CPA6: variants seen among roughly 807,000 people sequenced by gnomAD.
CPA6 encodes the protein carboxypeptidase B.
In CPA6, 58 loss-of-function variants were observed where a neutral mutation model predicts 63.3. The observed-to-expected ratio is 0.92, with a 90% CI of 0.74 to 1.14. The LOEUF (loss-of-function observed/expected upper bound fraction) is 1.14. CPA6 is among the 50% of genes most tolerant of loss of function. The pLI is 0.00. For missense variants in CPA6, 565 were observed against 526.6 expected, an observed-to-expected ratio of 1.07 and a Z score of -0.71; for synonymous variants, 185 against 179.0, an observed-to-expected ratio of 1.03 and a Z score of -0.27.
chr8:67,521,218 C>G (rs1359033845), intron 2 of CPA6, among the ~76,000 whole-genome samples: 1 of 152,376 alleles, frequency 6.6e-6, no homozygotes, highest in East Asian at 1.9e-4. Context: ...GCCTAGGAAC[C>G]TGGTGACTAT....
At chr8:67,662,006 A>G (rs1340934194) in intron 1 of CPA6, among the ~76,000 whole-genome samples, 1 of 151,852 alleles carries the variant, frequency 6.6e-6, no homozygotes, top group Non-Finnish European at 1.5e-5. Context: ...TTGAAAATCT[A>G]CTCCTTCAGC....
intron 1 of CPA6, among the ~76,000 whole-genome samples, chr8:67,740,715 G>T (rs1459806965): frequency 6.6e-6 from 1 of 152,046 alleles, no homozygotes; most frequent in Non-Finnish European, 1.5e-5. Context: ...GACTACAGGT[G>T]CATGCTACCA....
At chr8:67,745,904 C>A in intron 1 of CPA6, 110 bp downstream of exon 1, 1 of 638,062 alleles carries the variant, frequency 1.6e-6, no homozygotes, top group Non-Finnish European at 2.7e-6. Flanking sequence ...TGAAAGTGTG[C>A]AGATTCACTC....
intron 1 of CPA6, among the ~76,000 whole-genome samples, chr8:67,700,693 T>C (rs1367664774): frequency 6.6e-6 from 1 of 152,216 alleles, no homozygotes; most frequent in Admixed American, 6.5e-5. Flanking sequence ...ATATTTTTAC[T>C]GCTCTAAAAC....
intron 3 of CPA6, among the ~76,000 whole-genome samples, chr8:67,514,035 T>C (rs2128966119): frequency 6.6e-6 from 1 of 151,930 alleles, no homozygotes; most frequent in Middle Eastern, 3.4e-3. Context: ...CTCGGCTCAC[T>C]GCAACTCCAT....
chr8:67,732,403 C>A (rs1365450142), intron 1 of CPA6, among the ~76,000 whole-genome samples: 1 of 152,234 alleles, frequency 6.6e-6, no homozygotes, highest in East Asian at 1.9e-4. Context: ...TCTCTCATCC[C>A]TTCCTCCTCT....
chr8:67,483,661 C>T, intron 8 of CPA6, 107 bp downstream of exon 8: 1 of 895,686 alleles, frequency 1.1e-6, no homozygotes, highest in Non-Finnish European at 1.9e-6. Flanking sequence ...CAGGTTTTCA[C>T]ATACAGAAAA....
intron 1 of CPA6, among the ~76,000 whole-genome samples, chr8:67,644,594 T>G (rs1815674448): frequency 6.6e-6 from 1 of 152,216 alleles, no homozygotes; most frequent in African/African-American, 2.4e-5. Flanking sequence ...TTCTTGCTGT[T>G]AGATATACAT....
chr8:67,670,721 T>C (rs1486300953), intron 1 of CPA6, among the ~76,000 whole-genome samples: 1 of 152,066 alleles, frequency 6.6e-6, no homozygotes, highest in Non-Finnish European at 1.5e-5. Flanking sequence ...CTACTAGCAG[T>C]GGTGTGTACA....
At chr8:67,438,217 T>C (rs1242589451) in intron 8 of CPA6, among the ~76,000 whole-genome samples, 3 of 152,126 alleles carry the variant, frequency 2.0e-5, no homozygotes, top group East Asian at 3.8e-4. Context: ...CATGCCCGGC[T>C]AAAAATGTCT....
intron 1 of CPA6, among the ~76,000 whole-genome samples, chr8:67,711,785 T>G (rs1587720493): frequency 6.6e-6 from 1 of 152,064 alleles, no homozygotes; most frequent in African/African-American, 2.4e-5. Context: ...AGAGGGAGTC[T>G]AATCACGAGC....
chr8:67,508,631 T>C (rs1246394566), intron 5 of CPA6, among the ~76,000 whole-genome samples: 1 of 151,860 alleles, frequency 6.6e-6, no homozygotes, highest in Non-Finnish European at 1.5e-5. Flanking sequence ...AGGAGGAGAA[T>C]CAATTAGGAG....
chr8:67,713,077 G>A (rs1817297592), intron 1 of CPA6, among the ~76,000 whole-genome samples: 1 of 83,084 alleles, frequency 1.2e-5, no homozygotes, highest in African/African-American at 4.3e-5. Context: ...GTGTATCTGT[G>A]TGTGTATGTG....
chr8:67,585,729 G>A (rs17430478), intron 2 of CPA6, among the ~76,000 whole-genome samples: 15,860 of 152,108 alleles, frequency 0.1, 919 homozygotes, highest in Middle Eastern at 0.19. Context: ...AGTGTCCTTC[G>A]TTGTGATTAG....
chr8:67,634,285 T>G (rs1268111059), intron 1 of CPA6, among the ~76,000 whole-genome samples: 2 of 150,050 alleles, frequency 1.3e-5, no homozygotes, highest in Non-Finnish European at 2.9e-5. Flanking sequence ...AGTGGCACTA[T>G]CTCGGCTCAC....
chr8:67,732,016 A>G (rs1587735874), intron 1 of CPA6, among the ~76,000 whole-genome samples: 1 of 152,340 alleles, frequency 6.6e-6, no homozygotes, highest in East Asian at 1.9e-4. Flanking sequence ...AGTGTTGACC[A>G]GCTGGTGCCC....
At chr8:67,541,415 A>ACC (rs897122579) in intron 2 of CPA6, among the ~76,000 whole-genome samples, 1 of 151,902 alleles carries the variant, frequency 6.6e-6, no homozygotes, top group African/African-American at 2.4e-5. Flanking sequence ...TTAAAGATCG[A>ACC]CCCCTGATCT....
chr8:67,507,106 A>T (rs1300891352), intron 5 of CPA6, among the ~76,000 whole-genome samples: 1 of 152,170 alleles, frequency 6.6e-6, no homozygotes, highest in Non-Finnish European at 1.5e-5. Flanking sequence ...ACTAGAAAGT[A>T]CAAAAGGAAA....
At chr8:67,731,143 C>T (rs1230580094) in intron 1 of CPA6, among the ~76,000 whole-genome samples, 2 of 152,132 alleles carry the variant, frequency 1.3e-5, no homozygotes, top group Non-Finnish European at 2.9e-5. Context: ...TATTAAGATT[C>T]CTTTCCTAGA....
Sources: allele counts gnomAD v4.1 joint callset (sites outside exome capture counted in the v4.1 genomes callset), GRCh38; gene constraint gnomAD v4.1.1; transcripts MANE v1.5; gene names NCBI Gene and HGNC (gene_info 2026-07-23, HGNC 2026-07-21).